NRBP1: variants seen among roughly 807,000 people sequenced by gnomAD.
NRBP1 encodes nuclear receptor-binding protein.
A neutral mutation model predicts 76.0 loss-of-function variants in NRBP1; 10 were observed. The ratio of observed to expected loss-of-function variants is 0.13; its 90% CI spans 0.08 to 0.22. NRBP1 has a LOEUF of 0.22. Among genes scored for constraint, NRBP1 ranks in the 10% least tolerant of loss-of-function variants. NRBP1 has a pLI of 1.00. For missense variants in NRBP1, 344 were observed against 646.0 expected (o/e 0.53, Z 5.07); for synonymous variants, 235 against 240.2 (o/e 0.98, Z 0.20).
In NRBP1 at chr2:27,441,847, G is replaced by A. The variant is rs1409555240; in HGVS notation, c.*35G>A. On this transcript the variant is annotated 3_prime_UTR_variant, in exon 18 of 18. Transcript: ENST00000379852. ...GGGCCAGGCCCTGATCTGCGCTGTG[G>A]CTGTCCCTGGACGTGCTGCAGCCCT... 2 of 1,354,200 alleles carry A rather than the reference G, an allele frequency of 1.5e-6. No individual in the cohort carries two copies. Among genetic ancestry groups the A allele is most frequent in the African/African-American group, 1.4e-5 (1 of 69,914 alleles). The allele number at this position is 1,354,200 out of a possible 1,614,324, so 83.9% of individuals were successfully genotyped here.
chr2:27,441,494 T>A lies in NRBP1; in HGVS notation c.1448-73T>A, dbSNP rs1664557931. The A allele has an allele frequency of 2.0e-6, 3 of 1,524,102 alleles. No individual in the cohort carries two copies. The African/African-American group carries it at 4.1e-5, about 21-fold the overall frequency. The allele number at this position is 1,524,102 out of a possible 1,614,324, so 94.4% of individuals were successfully genotyped here. ...GTGGATCTGACTGACAGTTTAGCCC[T>A]AGTGGGGCTGTCTGAAGGGCCCCAG... On this transcript the variant is annotated intron_variant, in intron 16 of 17. Transcript: ENST00000379852.
intron 1 of NRBP1, among the ~76,000 whole-genome samples, chr2:27,429,775 G>T (rs941328598): frequency 1.3e-5 from 2 of 152,202 alleles, no homozygotes; most frequent in African/African-American, 4.8e-5. Context: ...CTGATGAAGG[G>T]TTGGTGTCTC....
intron 16 of NRBP1, 27 bp downstream of exon 16, chr2:27,441,357 T>C (rs773690245): frequency 1.2e-6 from 2 of 1,603,266 alleles, no homozygotes; most frequent in Non-Finnish European, 1.7e-6. Flanking sequence ...CCTCAGAGGA[T>C]GGAGAGTCTA....
chr2:27,430,819 C>T (rs564827988), intron 1 of NRBP1, among the ~76,000 whole-genome samples: 8 of 152,216 alleles, frequency 5.3e-5, no homozygotes, highest in Admixed American at 1.3e-4. Flanking sequence ...CAGGTTCCAA[C>T]TCCTTCACAG....
At chr2:27,427,886 T>C (rs1356929068), upstream of NRBP1, 1 of 152,240 alleles carries the variant, frequency 6.6e-6, no homozygotes, top group African/African-American at 2.4e-5. Flanking sequence ...TCATCTTTTC[T>C]TTCCACTAAC....
At chr2:27,435,568 C>T (rs906031467) in intron 7 of NRBP1, 3 of 667,672 alleles carry the variant, frequency 4.5e-6, no homozygotes, top group South Asian at 1.6e-5. Flanking sequence ...TGAGTGCTTT[C>T]GTTTGCTGTG....
chr2:27,433,896 T>G, intron 3 of NRBP1, 93 bp from the exon 4 acceptor site: 1 of 1,601,362 alleles, frequency 6.2e-7, no homozygotes, highest in Admixed American at 1.7e-5. Context: ...TATGTTGGGG[T>G]TAGATCGTTT....
At chr2:27,432,845 G>A (rs989619503) in intron 1 of NRBP1, among the ~76,000 whole-genome samples, 1 of 152,078 alleles carries the variant, frequency 6.6e-6, no homozygotes, top group African/African-American at 2.4e-5. Context: ...TCAAAGTGCT[G>A]GGATTACAGA....
Position 27,435,136 on chromosome 2 carries a change from C to T in NRBP1, c.570C>T (p.Tyr190=), listed in dbSNP as rs1572689568. 4 of 1,613,508 alleles carry T rather than the reference C, an allele frequency of 2.5e-6. No homozygotes were observed. Among genetic ancestry groups the T allele is most frequent in the Middle Eastern group, 1.6e-4 (1 of 6,062 alleles). The change falls in exon 7 of 18, where the codon TAC becomes TAT. Residue 190 remains tyrosine (Y), a synonymous_variant. Coordinates refer to ENST00000379852, the MANE Select transcript of NRBP1 (RefSeq NM_013392.4). The part of the protein sequence containing the change: ...WCTQILSALS[Y]LHSCDPPIIH... ...TAACAGCCCAGTGCCCCCACAGCTA[C>T]CTGCACTCCTGTGACCCCCCCATCA...
intron 1 of NRBP1, among the ~76,000 whole-genome samples, chr2:27,432,396 T>C (rs1664145083): frequency 6.6e-6 from 1 of 152,232 alleles, no homozygotes; most frequent in South Asian, 2.1e-4. Flanking sequence ...TTTCAGTATT[T>C]AGGACTGATT....
upstream of NRBP1, chr2:27,428,117 C>G (rs983106213): frequency 2.6e-5 from 4 of 152,252 alleles, no homozygotes; most frequent in Non-Finnish European, 2.9e-5. Flanking sequence ...GTGAAAACCT[C>G]TTACAAAGTT....
chr2:27,439,453 C>T (rs977091260), intron 10 of NRBP1, among the ~76,000 whole-genome samples: 2 of 148,732 alleles, frequency 1.3e-5, no homozygotes, highest in Non-Finnish European at 3.0e-5. Flanking sequence ...CCACTGCACT[C>T]CAGCCTGGGC....
At chr2:27,428,374 G>A (rs943741812), upstream of NRBP1, 8 of 338,380 alleles carry the variant, frequency 2.4e-5, no homozygotes, top group African/African-American at 6.4e-5. Context: ...TCTGCGTCCA[G>A]CAGAACCATC....
At chr2:27,436,876 TG>T in intron 8 of NRBP1, 40 bp downstream of exon 8, 1 of 1,578,702 alleles carries the variant, frequency 6.3e-7, no homozygotes, top group East Asian at 2.2e-5. Context: ...CTCATCCCCC[TG>T]CTTTTGCACC....
rs1376267838 is a variant in NRBP1, at chr2:27,439,825, T to G, written c.963T>G (p.Leu321=). 6.2e-7 allele frequency: 1 copy of G among 1,613,936 alleles called. No individual in the cohort carries two copies. The highest frequency in any genetic ancestry group is 8.5e-7 in the Non-Finnish European group (1 of 1,180,004). Residue 321 remains leucine (L), a synonymous_variant, in exon 11 of 18, where the codon CTT becomes CTG. Transcript: ENST00000379852. ...EPARRPTARE[L]LFHPALFEVP... Reference sequence around the variant, plus strand: ...CTCGCAGACCAACAGCCAGAGAACTTCTGTTCCACCCAGCATTGTTTGAAG... The same window carrying G: ...CTCGCAGACCAACAGCCAGAGAACTGCTGTTCCACCCAGCATTGTTTGAAG...
chr2:27,430,478 T>TTTTTTTTTTTTTTC (rs1553317017), intron 1 of NRBP1, among the ~76,000 whole-genome samples: 8 of 137,784 alleles, frequency 5.8e-5, no homozygotes, highest in Admixed American at 7.3e-5. Flanking sequence ...TCTTTTTTTT[T>TTTTTTTTTTTTTTC]TTTTTTTTGA....
chr2:27,439,460 G>A (rs1235838588), intron 10 of NRBP1, among the ~76,000 whole-genome samples: 1 of 150,266 alleles, frequency 6.7e-6, no homozygotes, highest in Admixed American at 6.6e-5. Context: ...ACTCCAGCCT[G>A]GGCGACAGAG....
intron 2 of NRBP1, 63 bp downstream of exon 2, chr2:27,433,546 C>T: frequency 2.5e-6 from 4 of 1,604,102 alleles, no homozygotes; most frequent in Non-Finnish European, 3.4e-6. Flanking sequence ...ACTGGAAGAG[C>T]AAAGTCTTAA....
At position 27,440,906 on chromosome 2, in the gene NRBP1, C is replaced by T. The variant is rs753734841; in HGVS notation, c.1295C>T (p.Pro432Leu). The change falls in exon 14 of 18, where the codon CCG (proline) becomes CTG (leucine). Residue 432 changes from proline to leucine, a missense_variant. Pro to Leu is a moderately conservative substitution (Grantham distance 98). This residue lies in a region of NRBP1 where 218 missense variants were observed against 309.8 expected (regional missense o/e 0.70). Coordinates refer to ENST00000379852, the MANE Select transcript of NRBP1 (RefSeq NM_013392.4). ...SPVVPPSVKT[P>L]TPEPAEVETR... is the part of the protein sequence containing the mutation. ...GTCGTGCCCCCCTCTGTCAAGACTC[C>T]GACACCTGAACCAGCTGAGGTGGAG... The T allele has an allele frequency of 1.1e-5, 17 of 1,613,774 alleles. No individual in the cohort carries two copies. Among genetic ancestry groups the T allele is most frequent in the African/African-American group, 1.3e-5 (1 of 74,920 alleles).
Sources: allele counts gnomAD v4.1 joint callset (sites outside exome capture counted in the v4.1 genomes callset), GRCh38; gene constraint gnomAD v4.1.1; regional missense constraint gnomAD v4.1.1; transcripts MANE v1.5; gene names NCBI Gene and HGNC (gene_info 2026-07-23, HGNC 2026-07-21).